The following DLG1 variants were observed in gnomAD, a reference collection of about 807,000 sequenced individuals.
DLG1 encodes disks large homolog 1.
In DLG1, 42 loss-of-function variants were observed where a neutral mutation model predicts 123.4. That is an observed-to-expected ratio of 0.34 (90% confidence interval 0.27 to 0.44). The LOEUF (loss-of-function observed/expected upper bound fraction) is 0.44, where lower values mean the gene tolerates loss of function less well. DLG1 is among the 20% of genes least tolerant of loss of function. The pLI is 1.00. For missense variants in DLG1, 942 were observed against 1,082.6 expected (o/e 0.87, Z 1.82); for synonymous variants, 317 against 356.2 (o/e 0.89, Z 1.24).
intron 4 of DLG1, among the ~76,000 whole-genome samples, chr3:197,208,976 T>C (rs952963408): frequency 1.4e-5 from 2 of 145,790 alleles, no homozygotes; most frequent in Non-Finnish European, 3.1e-5. Context: ...AGCTAGAAAA[T>C]CCAAGCAAAT....
intron 14 of DLG1, among the ~76,000 whole-genome samples, chr3:197,091,740 T>C (rs1270916772): frequency 6.6e-6 from 1 of 152,120 alleles, no homozygotes; most frequent in Non-Finnish European, 1.5e-5. Context: ...TCAAAAATAT[T>C]GCAGTTACAT....
At chr3:197,224,268 C>T (rs1271846837) in intron 4 of DLG1, among the ~76,000 whole-genome samples, 1 of 151,930 alleles carries the variant, frequency 6.6e-6, no homozygotes, top group Non-Finnish European at 1.5e-5. Context: ...TAAAGTCCAC[C>T]AAGACTATCA....
At chr3:197,213,978 A>G (rs534246425) in intron 4 of DLG1, among the ~76,000 whole-genome samples, 6 of 152,338 alleles carry the variant, frequency 3.9e-5, no homozygotes, top group Admixed American at 3.3e-4. Flanking sequence ...GAAGGTCTCA[A>G]TAATTAAAAG....
intron 5 of DLG1, among the ~76,000 whole-genome samples, chr3:197,174,999 G>T (rs1158604205): frequency 6.6e-6 from 1 of 152,128 alleles, no homozygotes; most frequent in Non-Finnish European, 1.5e-5. Context: ...CTACCAAATT[G>T]GGGCTTAAAG....
chr3:197,163,207 C>T (rs1044903036), intron 5 of DLG1, among the ~76,000 whole-genome samples: 1 of 152,136 alleles, frequency 6.6e-6, no homozygotes, highest in African/African-American at 2.4e-5. Context: ...AACAAAGTAA[C>T]AAGTGGTGGC....
In DLG1 at chr3:197,088,641, C is replaced by T. The variant is rs148484299; in HGVS notation, c.1661+2271G>A. On this transcript the variant is annotated intron_variant, in intron 15 of 24. Coordinates refer to ENST00000667157, the MANE Select transcript of DLG1 (RefSeq NM_001366207.1). Reference sequence around the variant, plus strand: ...AGTCCCAGCTGAGAGCTATACAGCACGTTTACAGAGGAACTAGTCTAGACT... The same window carrying T: ...AGTCCCAGCTGAGAGCTATACAGCATGTTTACAGAGGAACTAGTCTAGACT... Among the ~76,000 whole-genome samples the T allele has an allele frequency of 1.9e-3, 286 of 152,178 alleles. 3 individuals are homozygous for T. Among genetic ancestry groups the T allele is most frequent in the Middle Eastern group, 0.014 (4 of 294 alleles).
intron 10 of DLG1, among the ~76,000 whole-genome samples, chr3:197,134,900 G>A (rs968008036): frequency 6.6e-6 from 1 of 152,178 alleles, no homozygotes; most frequent in Admixed American, 6.5e-5. Flanking sequence ...ACCCCTAGGG[G>A]GTAGACAAGA....
At chr3:197,251,452 G>T (rs58833460) in intron 4 of DLG1, among the ~76,000 whole-genome samples, 6,125 of 152,028 alleles carry the variant, frequency 0.04, 176 homozygotes, top group Non-Finnish European at 0.054. Flanking sequence ...CAGACACACA[G>T]AAAAGAAAAA....
chr3:197,142,479 G>T (rs1409563296), intron 7 of DLG1, among the ~76,000 whole-genome samples: 1 of 152,068 alleles, frequency 6.6e-6, no homozygotes, highest in East Asian at 1.9e-4. Flanking sequence ...AAACTCTTGG[G>T]ACTATCTTTA....
chr3:197,119,601 T>C, intron 11 of DLG1, 71 bp from the exon 12 acceptor site: 1 of 1,390,032 alleles, frequency 7.2e-7, no homozygotes, highest in Non-Finnish European at 9.6e-7. Flanking sequence ...TTATGAGTGA[T>C]TAATGTGTAA....
At chr3:197,145,053 T>TCACA (rs1397807957) in intron 6 of DLG1, among the ~76,000 whole-genome samples, 4 of 141,210 alleles carry the variant, frequency 2.8e-5, no homozygotes, top group Admixed American at 7.4e-5. Flanking sequence ...TCTCTCTCTC[T>TCACA]CTCACACACA....
intron 4 of DLG1, among the ~76,000 whole-genome samples, chr3:197,227,466 C>T (rs940935075): frequency 6.6e-6 from 1 of 150,514 alleles, no homozygotes; most frequent in African/African-American, 2.4e-5. Context: ...CAGAGTGAGA[C>T]TCCATCTCAA....
chr3:197,260,944 T>C (rs1759147711), intron 4 of DLG1, among the ~76,000 whole-genome samples: 1 of 152,032 alleles, frequency 6.6e-6, no homozygotes, highest in African/African-American at 2.4e-5. Flanking sequence ...TAAAATATTA[T>C]CTCTAAAACT....
rs918006017 is a variant in DLG1, at chr3:197,220,479, A to G, written c.319-25890T>C. Among the ~76,000 whole-genome samples the G allele has an allele frequency of 4.6e-5, 7 of 152,326 alleles. No homozygotes were observed. In the East Asian group the frequency reaches 1.2e-3, roughly 25 times the overall value. ...TTTTCAAAGAAAAGGCTAATAATAT[A>G]TATCACAGTGTAGTTCTAAATGGAT... On this transcript the variant is annotated intron_variant, in intron 4 of 24. Coordinates refer to ENST00000667157, the MANE Select transcript of DLG1 (RefSeq NM_001366207.1).
chr3:197,161,133 G>C lies in DLG1; in HGVS notation c.484-11337C>G, dbSNP rs540741506. Among the ~76,000 whole-genome samples, 6 of 152,252 alleles carry C rather than the reference G, an allele frequency of 3.9e-5. 1 individual carries two copies. Among genetic ancestry groups the C allele is most frequent in the Admixed American group, 3.9e-4 (6 of 15,306 alleles). On this transcript the variant is annotated intron_variant, in intron 5 of 24. Transcript: ENST00000667157. ...ACAGAAAAGTTGTGAAGATAGCACAGAGCATTCCCATATACTCCCAGATAT... is the reference window on the plus strand; with the variant it reads ...ACAGAAAAGTTGTGAAGATAGCACACAGCATTCCCATATACTCCCAGATAT...
chr3:197,250,045 A>G (rs980203073), intron 4 of DLG1, among the ~76,000 whole-genome samples: 2 of 152,228 alleles, frequency 1.3e-5, no homozygotes, highest in African/African-American at 4.8e-5. Flanking sequence ...TTCATATAGT[A>G]CTGGAAAAGC....
intron 5 of DLG1, among the ~76,000 whole-genome samples, chr3:197,166,291 C>T (rs1801361477): frequency 6.6e-6 from 1 of 151,966 alleles, no homozygotes; most frequent in Non-Finnish European, 1.5e-5. Context: ...GCATTCTGGT[C>T]CAATAAATAA....
At chr3:197,178,677 G>A (rs1248996294) in intron 5 of DLG1, among the ~76,000 whole-genome samples, 4 of 152,098 alleles carry the variant, frequency 2.6e-5, no homozygotes, top group African/African-American at 4.8e-5. Flanking sequence ...ATACTATAAA[G>A]GAAAATGAGG....
intron 23 of DLG1, among the ~76,000 whole-genome samples, chr3:197,057,546 A>C (rs12494184): frequency 0.14 from 21,592 of 152,082 alleles, 1,849 homozygotes; most frequent in South Asian, 0.34. Context: ...TTTACCAATG[A>C]AGATGCACCA....
Sources: allele counts gnomAD v4.1 joint callset (sites outside exome capture counted in the v4.1 genomes callset), GRCh38; gene constraint gnomAD v4.1.1; transcripts MANE v1.5; gene names NCBI Gene and HGNC (gene_info 2026-07-23, HGNC 2026-07-21).